Variants in NKAIN2 observed in about 807,000 individuals in gnomAD.
The protein encoded by NKAIN2 is sodium/potassium transporting ATPase interacting 2.
NKAIN2 carries 14 observed loss-of-function variants against 32.6 expected under a neutral mutation model. The ratio of observed to expected loss-of-function variants is 0.43; its 90% CI spans 0.28 to 0.67. NKAIN2 has a LOEUF of 0.67. NKAIN2 is among the 30% of genes least tolerant of loss of function. The pLI, the probability that NKAIN2 is intolerant of heterozygous loss-of-function variation, is 0.17. For missense variants in NKAIN2, 198 were observed against 258.3 expected (o/e 0.77, Z 1.60); for synonymous variants, 80 against 87.2 (o/e 0.92, Z 0.46).
chr6:124,076,609 T>G (rs1783710221), intron 1 of NKAIN2, among the ~76,000 whole-genome samples: 1 of 152,190 alleles, frequency 6.6e-6, no homozygotes, highest in African/African-American at 2.4e-5. Flanking sequence ...CCAGTTGATG[T>G]TTATAATATA....
chr6:123,981,381 T>C (rs934186195), intron 1 of NKAIN2, among the ~76,000 whole-genome samples: 9 of 152,186 alleles, frequency 5.9e-5, no homozygotes, highest in Non-Finnish European at 8.8e-5. Context: ...TTCTGATTAT[T>C]CAGAGAACCT....
intron 2 of NKAIN2, among the ~76,000 whole-genome samples, chr6:124,309,846 C>G (rs1341377643): frequency 6.6e-6 from 1 of 152,106 alleles, no homozygotes; most frequent in Non-Finnish European, 1.5e-5. Context: ...AATGGTATCC[C>G]TTCTTTCTAA....
At chr6:124,258,368 C>T (rs571439656) in intron 1 of NKAIN2, among the ~76,000 whole-genome samples, 1 of 152,086 alleles carries the variant, frequency 6.6e-6, no homozygotes, top group African/African-American at 2.4e-5. Context: ...GATTTTTATT[C>T]ATTAATCTGT....
Position 124,448,513 on chromosome 6 carries a change from T to C in NKAIN2, c.273+93166T>C, listed in dbSNP as rs142035638. Among the ~76,000 whole-genome samples, 712 of 152,296 alleles carry C rather than the reference T, an allele frequency of 4.7e-3. 4 individuals carry two copies. The highest frequency in any genetic ancestry group is 7.7e-3 in the Non-Finnish European group (525 of 68,010). ...CCTCTACAATCCATATTCAGGGGAC[T>C]GGCTAACAGAGAGACACTGCTGTCC... On this transcript the variant is annotated intron_variant, in intron 3 of 6. Coordinates refer to ENST00000368417, the MANE Select transcript of NKAIN2 (RefSeq NM_001040214.3).
chr6:124,423,554 T>C (rs1774849487), intron 3 of NKAIN2, among the ~76,000 whole-genome samples: 1 of 152,232 alleles, frequency 6.6e-6, no homozygotes, highest in Non-Finnish European at 1.5e-5. Context: ...GTGGTCTGAA[T>C]GTGGAACCCC....
chr6:123,914,694 A>T (rs1274810347), intron 1 of NKAIN2, among the ~76,000 whole-genome samples: 1 of 152,172 alleles, frequency 6.6e-6, no homozygotes, highest in African/African-American at 2.4e-5. Context: ...TGTCTCACTC[A>T]GGTCTCTCTC....
chr6:124,353,723 C>G (rs1798837102), intron 2 of NKAIN2, among the ~76,000 whole-genome samples: 1 of 151,750 alleles, frequency 6.6e-6, no homozygotes, highest in Non-Finnish European at 1.5e-5. Context: ...CCACTGCACT[C>G]CAGCCTGGGC....
intron 4 of NKAIN2, among the ~76,000 whole-genome samples, chr6:124,683,019 C>A (rs1489030624): frequency 6.6e-6 from 1 of 152,176 alleles, no homozygotes; most frequent in African/African-American, 2.4e-5. Flanking sequence ...AAATTTTCAA[C>A]TCTCTAAATA....
At chr6:123,888,876 G>A (rs1773860461) in intron 1 of NKAIN2, among the ~76,000 whole-genome samples, 1 of 152,066 alleles carries the variant, frequency 6.6e-6, no homozygotes, top group Non-Finnish European at 1.5e-5. Context: ...TGTTTGAAAT[G>A]GCAACTGCAC....
intron 1 of NKAIN2, among the ~76,000 whole-genome samples, chr6:123,894,706 C>T (rs912059463): frequency 3.3e-5 from 5 of 151,904 alleles, no homozygotes; most frequent in African/African-American, 9.7e-5. Context: ...TCATTTATAT[C>T]CCAGGATTCT....
At chr6:124,330,384 G>A (rs1208688772) in intron 2 of NKAIN2, among the ~76,000 whole-genome samples, 1 of 152,164 alleles carries the variant, frequency 6.6e-6, no homozygotes, top group African/African-American at 2.4e-5. Flanking sequence ...AAGCATGACT[G>A]GTCAGAAGGA....
At chr6:124,387,346 C>T (rs9388330) in intron 3 of NKAIN2, among the ~76,000 whole-genome samples, 59,656 of 150,744 alleles carry the variant, frequency 0.4, 12,270 homozygotes, top group South Asian at 0.52. Flanking sequence ...GTGAAAGAAC[C>T]TCCTTGCCCC....
At chr6:124,146,975 T>C (rs2114367303) in intron 1 of NKAIN2, among the ~76,000 whole-genome samples, 1 of 152,296 alleles carries the variant, frequency 6.6e-6, no homozygotes, top group South Asian at 2.1e-4. Context: ...GGGTGATAGT[T>C]ACAACAGGGT....
At chr6:124,069,929 G>T in intron 1 of NKAIN2, among the ~76,000 whole-genome samples, 1 of 152,182 alleles carries the variant, frequency 6.6e-6, no homozygotes, top group African/African-American at 2.4e-5. Flanking sequence ...CCTGTCATTT[G>T]TGACGTTTTA....
chr6:124,074,636 C>T (rs1389804380), intron 1 of NKAIN2, among the ~76,000 whole-genome samples: 1 of 152,180 alleles, frequency 6.6e-6, no homozygotes, highest in Non-Finnish European at 1.5e-5. Context: ...TACTGACACA[C>T]TTTCAATACC....
rs1562317207 is a variant in NKAIN2 at position 124,028,832 on chromosome 6, C to CGT, written c.54+224578_54+224579insGT. ...ATATACGTATATGTGTATATATATA[C>CGT]ATATATATGTATATATGTGTGTGTC... On this transcript the variant is annotated intron_variant, in intron 1 of 6. Transcript: ENST00000368417. Among the ~76,000 whole-genome samples the CGT allele has an allele frequency of 5.1e-3, 708 of 137,872 alleles. 5 individuals are homozygous for CGT. The highest frequency in any genetic ancestry group is 0.019 in the African/African-American group (658 of 35,456). 90.4% of individuals were successfully genotyped at this position (137,872 alleles called of 152,430 possible). A position where few individuals can be genotyped will look rare whatever the true frequency, so the allele number is the denominator to read the frequency against.
At chr6:124,466,570 CCTT>C (rs1446562246) in intron 3 of NKAIN2, among the ~76,000 whole-genome samples, 3 of 151,854 alleles carry the variant, frequency 2.0e-5, no homozygotes, top group South Asian at 2.1e-4. Context: ...AGGCAGCAGC[CCTT>C]CTTCTCAGGA....
At chr6:124,113,172 A>G in intron 1 of NKAIN2, among the ~76,000 whole-genome samples, 1 of 151,928 alleles carries the variant, frequency 6.6e-6, no homozygotes, top group East Asian at 1.9e-4. Flanking sequence ...GGCTCCCACC[A>G]ATCAACCTAC....
At chr6:124,036,336 A>G (rs1054585860) in intron 1 of NKAIN2, among the ~76,000 whole-genome samples, 2 of 152,186 alleles carry the variant, frequency 1.3e-5, no homozygotes, top group Admixed American at 1.3e-4. Flanking sequence ...TTCAGCTAAC[A>G]GTATTTTTAA....
Sources: allele counts gnomAD v4.1 joint callset (sites outside exome capture counted in the v4.1 genomes callset), GRCh38; gene constraint gnomAD v4.1.1; transcripts MANE v1.5; gene names NCBI Gene and HGNC (gene_info 2026-07-23, HGNC 2026-07-21).